Variants in ZNF808 observed in about 807,000 individuals in gnomAD.
ZNF808 encodes the protein zinc finger protein 808.
ZNF808 carries 5 observed loss-of-function variants against 8.7 expected under a neutral mutation model. That is an observed-to-expected ratio of 0.58 (90% CI 0.30 to 1.21). ZNF808 has a LOEUF of 1.21. ZNF808 is among the 50% of genes most tolerant of loss of function. The probability of loss-of-function intolerance (pLI) is 0.07; values close to 1 mark genes in which losing one functional copy is unlikely to be tolerated. For synonymous variants in ZNF808, 380 were observed against 366.0 expected (o/e 1.04, Z -0.44); for missense variants, 1,103 against 1,098.4 (o/e 1.00, Z -0.06).
intron 2 of ZNF808, among the ~76,000 whole-genome samples, chr19:52,539,974 A>G (rs146595478): frequency 9.0e-4 from 137 of 152,224 alleles, no homozygotes; most frequent in African/African-American, 3.2e-3. Flanking sequence ...CCTCCGGAGT[A>G]GCTGGGGCCA....
downstream of ZNF808, among the ~76,000 whole-genome samples, chr19:52,566,926 G>A (rs1263466138): frequency 2.7e-5 from 4 of 150,290 alleles, no homozygotes; most frequent in East Asian, 1.9e-4. Flanking sequence ...ATGCTTTCAC[G>A]TACTTGCACA....
exon 4 of ZNF808, chr19:52,564,060 G>T: frequency 1.6e-6 from 1 of 620,164 alleles, no homozygotes; most frequent in South Asian, 1.5e-5. Context: ...GTGTGTGCTT[G>T]ACTCCACTTC....
At chr19:52,531,523 G>A (rs1417877051) in intron 1 of ZNF808, among the ~76,000 whole-genome samples, 1 of 151,104 alleles carries the variant, frequency 6.6e-6, no homozygotes, top group East Asian at 2.0e-4. Context: ...AATAAAAGCA[G>A]ACGTATTCAC....
chr19:52,540,853 T>C (rs1328520558), intron 2 of ZNF808, among the ~76,000 whole-genome samples: 2 of 152,056 alleles, frequency 1.3e-5, no homozygotes, highest in South Asian at 2.1e-4. Context: ...TTTCTGGGAG[T>C]GAGTAATGAT....
downstream of ZNF808, chr19:52,556,896 A>G (rs2059839489): frequency 6.6e-6 from 1 of 152,180 alleles, no homozygotes; most frequent in Non-Finnish European, 1.5e-5. Flanking sequence ...CCTCTGGACC[A>G]TTCTGGAAAA....
chr19:52,535,721 G>C (rs1316113900), intron 2 of ZNF808, among the ~76,000 whole-genome samples: 3 of 152,224 alleles, frequency 2.0e-5, no homozygotes, highest in Admixed American at 2.0e-4. Flanking sequence ...TTCCGCCCCG[G>C]CAGGGCTTTG....
chr19:52,553,773 C>G lies in ZNF808; in HGVS notation c.857C>G (p.Pro286Arg). 5 of 1,614,124 alleles carry G rather than the reference C, an allele frequency of 3.1e-6. No homozygotes were observed. Among genetic ancestry groups the G allele is most frequent in the Non-Finnish European group, 4.2e-6 (5 of 1,180,018 alleles). ...CHRRCHTGEK[P>R]YKCKECGKSF... ...CGTAGATGTCACACTGGAGAGAAACCTTACAAGTGTAAAGAGTGTGGAAAG... is the reference window on the plus strand; with the variant it reads ...CGTAGATGTCACACTGGAGAGAAACGTTACAAGTGTAAAGAGTGTGGAAAG... Residue 286 changes from proline (P) to arginine (R), a missense_variant, in exon 5 of 5, where the codon CCT becomes CGT. Transcript: ENST00000359798.
Position 52,553,188 on chromosome 19 carries a change from A to G in ZNF808, c.272A>G (p.Gln91Arg), listed in dbSNP as rs2059794745. 1 of 1,613,386 alleles carries G rather than the reference A, an allele frequency of 6.2e-7. No individual in the cohort carries two copies. Residue 91 changes from glutamine to arginine, a missense_variant, in exon 5 of 5, where the codon CAA becomes CGA. Transcript: ENST00000359798. The part of the protein sequence containing the change: ...NREVIHTGTL[Q>R]RHQSYHIGDF... ...GAAGTGATCCACACAGGGACATTGC[A>G]AAGACATCAAAGTTATCACATTGGA... is the stretch of plus-strand genomic sequence containing the variant.
intron 1 of ZNF808, among the ~76,000 whole-genome samples, chr19:52,530,700 A>G (rs1295452069): frequency 6.6e-6 from 1 of 151,574 alleles, no homozygotes; most frequent in Non-Finnish European, 1.5e-5. Context: ...AAGGAACATC[A>G]AAGTTGGGCC....
chr19:52,561,163 TCTCTCTC>T (rs2059855314), downstream of ZNF808, among the ~76,000 whole-genome samples: 631 of 66,782 alleles, frequency 9.4e-3, 10 homozygotes, highest in African/African-American at 0.018. Context: ...ATCTGTTCTC[TCTCTCTC>T]TCTCTCTCTC....
intron 3 of ZNF808, among the ~76,000 whole-genome samples, chr19:52,547,246 C>T (rs559314389): frequency 6.6e-6 from 1 of 152,040 alleles, no homozygotes; most frequent in African/African-American, 2.4e-5. Flanking sequence ...CCTCACCCGG[C>T]CCTGTGTTTC....
At chr19:52,539,547 G>GTTT (rs2059649076) in intron 2 of ZNF808, among the ~76,000 whole-genome samples, 14 of 73,404 alleles carry the variant, frequency 1.9e-4, no homozygotes, top group African/African-American at 5.9e-4. Context: ...TTGTTGTGGT[G>GTTT]GTTTTTTTTT....
intron 4 of ZNF808, among the ~76,000 whole-genome samples, chr19:52,552,701 TG>T (rs35078832): frequency 2.2e-4 from 24 of 111,244 alleles, no homozygotes; most frequent in African/African-American, 3.2e-4. Flanking sequence ...GTATGTTGTG[TG>T]GTTTTTTTTT....
At chr19:52,557,212 G>A (rs938987277), downstream of ZNF808, among the ~76,000 whole-genome samples, 26 of 151,142 alleles carry the variant, frequency 1.7e-4, no homozygotes, top group African/African-American at 5.3e-4. Context: ...CTCGTGATCC[G>A]CCAGACCTGG....
Position 52,555,145 on chromosome 19 carries a change from G to A in ZNF808, c.2229G>A (p.Thr743=), listed in dbSNP as rs373946158. 32 of 1,613,054 alleles carry A rather than the reference G, an allele frequency of 2.0e-5. No homozygotes were observed. The highest frequency in any genetic ancestry group is 9.9e-5 in the South Asian group (9 of 91,046). The change falls in exon 5 of 5, where the codon ACG becomes ACA. Residue 743 remains threonine, a synonymous_variant. Coordinates refer to ENST00000359798, the MANE Select transcript of ZNF808 (RefSeq NM_001039886.4). ...ACAAGTGTAGTGAGTGCAGCAAGAC[G>A]TTCAGTCAGAAGGCAACCCTTCTAT... ...KPYKCSECSK[T]FSQKATLLCH... is the part of the protein sequence containing the mutation.
intron 2 of ZNF808, among the ~76,000 whole-genome samples, chr19:52,538,637 C>CAAAA (rs68018028): frequency 7.8e-6 from 1 of 128,342 alleles, no homozygotes; most frequent in Non-Finnish European, 1.6e-5. Context: ...TCAAAAAAAC[C>CAAAA]AAAAAAGAAT....
In ZNF808 at chr19:52,541,197, G is replaced by A. The variant is rs139190015; in HGVS notation, c.-19-2069G>A. On this transcript the variant is annotated intron_variant, in intron 2 of 4. Transcript: ENST00000359798. ...GAACTCCTGACTTTGTGATCTGCCCGCCTCAGCCTCCCAAACTGCTAGGAT... is the reference window on the plus strand; with the variant it reads ...GAACTCCTGACTTTGTGATCTGCCCACCTCAGCCTCCCAAACTGCTAGGAT... Among the ~76,000 whole-genome samples the A allele has an allele frequency of 6.3e-3, 950 of 151,220 alleles. 8 individuals are homozygous for A. Among genetic ancestry groups the A allele is most frequent in the African/African-American group, 0.021 (846 of 41,208 alleles).
chr19:52,556,413 G>C (rs1206727275), downstream of ZNF808: 1 of 153,022 alleles, frequency 6.5e-6, no homozygotes, highest in Non-Finnish European at 1.5e-5. Flanking sequence ...CACAACCTCC[G>C]CCTCCCGGGT....
At chr19:52,559,581 A>G (rs1210413314), downstream of ZNF808, among the ~76,000 whole-genome samples, 4 of 151,976 alleles carry the variant, frequency 2.6e-5, no homozygotes, top group South Asian at 6.2e-4. Flanking sequence ...CTTTGTCTCT[A>G]TGTCTCTTTC....
Sources: gnomAD v4.1 joint callset for allele counts (sites outside exome capture counted in the v4.1 genomes callset) on GRCh38, gnomAD v4.1.1 for gene constraint, MANE v1.5 for transcripts, NCBI Gene and HGNC (gene_info 2026-07-23, HGNC 2026-07-21) for gene names.